C10orf90: variants seen among roughly 807,000 people sequenced by gnomAD.
C10orf90 encodes chromosome 10 open reading frame 90.
C10orf90 carries 56 observed loss-of-function variants against 62.5 expected under a neutral mutation model. The observed-to-expected ratio is 0.90, with a 90% CI of 0.72 to 1.12. The LOEUF (loss-of-function observed/expected upper bound fraction) is 1.12, where lower values mean the gene tolerates loss of function less well. Among genes scored for constraint, C10orf90 ranks in the 50% most tolerant of loss-of-function variants. The pLI, the probability that C10orf90 is intolerant of heterozygous loss-of-function variation, is 0.00. For missense variants in C10orf90, 970 were observed against 880.4 expected (o/e 1.10, Z -1.29); for synonymous variants, 386 against 340.4 (o/e 1.13, Z -1.47).
intron 2 of C10orf90, among the ~76,000 whole-genome samples, chr10:126,617,143 T>A (rs1323577968): frequency 2.6e-5 from 4 of 152,162 alleles, no homozygotes; most frequent in Non-Finnish European, 5.9e-5. Flanking sequence ...TATACACATT[T>A]CTCTGTGTGG....
At chr10:126,506,544 A>G (rs773337100) in intron 3 of C10orf90, among the ~76,000 whole-genome samples, 1 of 152,244 alleles carries the variant, frequency 6.6e-6, no homozygotes, top group African/African-American at 2.4e-5. Flanking sequence ...CCCAACATGC[A>G]GAGAATGGCC....
intron 1 of C10orf90, among the ~76,000 whole-genome samples, chr10:126,669,529 C>T (rs536460697): frequency 2.0e-5 from 3 of 152,278 alleles, no homozygotes; most frequent in Admixed American, 1.3e-4. Context: ...ATTACAATGT[C>T]GTTCATAATT....
intron 1 of C10orf90, among the ~76,000 whole-genome samples, chr10:126,652,884 A>C (rs1041716380): frequency 2.0e-5 from 3 of 152,186 alleles, no homozygotes; most frequent in Non-Finnish European, 4.4e-5. Context: ...CATACCTCAG[A>C]GATATTGGGG....
intron 2 of C10orf90, chr10:126,520,631 T>C (rs2366732): frequency 0.89 from 136,233 of 152,304 alleles, 61,137 homozygotes; most frequent in African/African-American, 0.97. Context: ...CCAGCGCTGC[T>C]GTGAAAAGTG....
intron 2 of C10orf90, among the ~76,000 whole-genome samples, chr10:126,558,248 G>T (rs1031843921): frequency 6.6e-6 from 1 of 152,096 alleles, no homozygotes; most frequent in Non-Finnish European, 1.5e-5. Context: ...CCAGCCTCCA[G>T]CCTCATTGTC....
At chr10:126,551,918 C>A (rs1372086924) in intron 2 of C10orf90, among the ~76,000 whole-genome samples, 1 of 152,146 alleles carries the variant, frequency 6.6e-6, no homozygotes, top group African/African-American at 2.4e-5. Context: ...CAAGATAGGA[C>A]CCACTGCCTT....
At position 126,628,271 on chromosome 10, in the gene C10orf90, A is replaced by T. The variant is rs186993243; in HGVS notation, c.313+18294T>A. 1.8e-3 allele frequency among the ~76,000 whole-genome samples: 281 copies of T among 152,314 alleles called. 1 individual carries two copies. The highest frequency in any genetic ancestry group is 3.3e-3 in the Non-Finnish European group (226 of 68,028). Reference sequence around the variant, plus strand: ...TCCAAATGTCCATTTGCTATAGTGAATTTAAAATGCCAAGGCCTATGTCTT... The same window carrying T: ...TCCAAATGTCCATTTGCTATAGTGATTTTAAAATGCCAAGGCCTATGTCTT... On this transcript the variant is annotated intron_variant, in intron 2 of 9. Coordinates refer to ENST00000488181, the MANE Select transcript of C10orf90 (RefSeq NM_001350921.2).
intron 2 of C10orf90, among the ~76,000 whole-genome samples, chr10:126,596,037 A>G: frequency 6.6e-6 from 1 of 152,010 alleles, no homozygotes; most frequent in African/African-American, 2.4e-5. Context: ...AAATCTTTGT[A>G]CCTTGGGGTA....
intron 4 of C10orf90, among the ~76,000 whole-genome samples, chr10:126,479,845 A>T (rs1190389349): frequency 6.6e-6 from 1 of 152,230 alleles, no homozygotes; most frequent in Admixed American, 6.5e-5. Context: ...ACTGCCCAAG[A>T]CATCCAGTTC....
chr10:126,551,333 C>T (rs1417754780), intron 2 of C10orf90, among the ~76,000 whole-genome samples: 4 of 152,228 alleles, frequency 2.6e-5, no homozygotes, highest in Non-Finnish European at 5.9e-5. Flanking sequence ...GTCCACTCTG[C>T]CTGGTGCAAT....
At position 126,429,867 on chromosome 10, in the gene C10orf90, G is replaced by C. The variant is rs1246337883; in HGVS notation, c.2189-17C>G. 2 of 1,607,298 alleles carry C rather than the reference G, an allele frequency of 1.2e-6. No homozygotes were observed. The highest frequency in any genetic ancestry group is 2.7e-5 in the African/African-American group (2 of 74,770). On this transcript the variant is annotated splice_polypyrimidine_tract_variant and intron_variant, in intron 7 of 9. Coordinates refer to ENST00000488181, the MANE Select transcript of C10orf90 (RefSeq NM_001350921.2). Reference sequence around the variant, plus strand: ...ACAAGTTATCTGGAAAAAATAGAAAGAGAATTAAGTTCAGAAGGCATAGAA... The same window carrying C: ...ACAAGTTATCTGGAAAAAATAGAAACAGAATTAAGTTCAGAAGGCATAGAA...
At chr10:126,670,137 A>G in intron 1 of C10orf90, 104 bp downstream of exon 1, 2 of 365,150 alleles carry the variant, frequency 5.5e-6, no homozygotes, top group South Asian at 2.1e-5. Context: ...ACAAATGATT[A>G]ATTTATTAGA....
At chr10:126,578,930 A>C (rs893417457) in intron 2 of C10orf90, among the ~76,000 whole-genome samples, 3 of 152,194 alleles carry the variant, frequency 2.0e-5, no homozygotes, top group African/African-American at 4.8e-5. Context: ...AAAAAAAGAC[A>C]TGGGAGAAAT....
intron 2 of C10orf90, among the ~76,000 whole-genome samples, chr10:126,516,918 T>A (rs192864189): frequency 6.6e-6 from 1 of 151,918 alleles, no homozygotes; most frequent in East Asian, 1.9e-4. Flanking sequence ...CAATATCACA[T>A]CTCCTTATCT....
intron 2 of C10orf90, among the ~76,000 whole-genome samples, chr10:126,585,903 G>A (rs552245451): frequency 3.3e-5 from 5 of 152,190 alleles, no homozygotes; most frequent in South Asian, 4.2e-4. Context: ...CCTGGCCCCC[G>A]CCCCACAGAA....
intron 4 of C10orf90, among the ~76,000 whole-genome samples, chr10:126,469,329 T>C (rs1389822363): frequency 6.6e-6 from 1 of 152,214 alleles, no homozygotes; most frequent in African/African-American, 2.4e-5. Context: ...AGGGAAAGAT[T>C]GTCTCTGAGG....
chr10:126,526,309 A>G (rs1863943533), intron 2 of C10orf90, among the ~76,000 whole-genome samples: 2 of 151,018 alleles, frequency 1.3e-5, no homozygotes, highest in African/African-American at 2.4e-5. Context: ...CAGTGGTGCA[A>G]TCTCGGCTTG....
At chr10:126,660,634 C>T (rs1846490654) in intron 1 of C10orf90, among the ~76,000 whole-genome samples, 1 of 151,808 alleles carries the variant, frequency 6.6e-6, no homozygotes, top group Non-Finnish European at 1.5e-5. Context: ...TGAAGACATC[C>T]TAATCAGAGA....
At chr10:126,458,075 A>T (rs544848580) in intron 7 of C10orf90, among the ~76,000 whole-genome samples, 1 of 152,210 alleles carries the variant, frequency 6.6e-6, no homozygotes, top group East Asian at 1.9e-4. Context: ...GTTCTGGTGG[A>T]GAGAAGGAGA....
Sources: gnomAD v4.1 joint callset for allele counts (sites outside exome capture counted in the v4.1 genomes callset) on GRCh38, gnomAD v4.1.1 for gene constraint, MANE v1.5 for transcripts, NCBI Gene and HGNC (gene_info 2026-07-23, HGNC 2026-07-21) for gene names.